LYPLA1: variants seen among roughly 807,000 people sequenced by gnomAD.
LYPLA1 encodes lysophospholipase 1.
In LYPLA1, 17 loss-of-function variants were observed where a neutral mutation model predicts 34.0. That is an observed-to-expected ratio of 0.50 (90% CI 0.34 to 0.75). The LOEUF is 0.75. Ranked by LOEUF, LYPLA1 falls within the 30% of genes least tolerant of loss-of-function variation. The probability of loss-of-function intolerance (pLI) is 0.01; values close to 1 mark genes in which losing one functional copy is unlikely to be tolerated. For missense variants in LYPLA1, 203 were observed against 288.8 expected, an observed-to-expected ratio of 0.70 and a Z score of 2.15; for synonymous variants, 98 against 100.8, an observed-to-expected ratio of 0.97 and a Z score of 0.17.
At chr8:54,055,325 A>C (rs890801458) in intron 5 of LYPLA1, among the ~76,000 whole-genome samples, 192 bp from the exon 6 acceptor site, 1 of 152,228 alleles carries the variant, frequency 6.6e-6, no homozygotes, top group African/African-American at 2.4e-5. Flanking sequence ...ACAACGTGAA[A>C]AGGAAATTTT....
At chr8:54,095,850 C>A (rs889825857) in intron 2 of LYPLA1, among the ~76,000 whole-genome samples, 2 of 151,866 alleles carry the variant, frequency 1.3e-5, no homozygotes, top group African/African-American at 4.8e-5. Context: ...TCCCAAAGCA[C>A]TGGTATTACC....
intron 2 of LYPLA1, among the ~76,000 whole-genome samples, chr8:54,070,028 T>G (rs150159718): frequency 6.6e-6 from 1 of 152,356 alleles, no homozygotes; most frequent in East Asian, 1.9e-4. Flanking sequence ...ATCAGAACCC[T>G]CATACACTGT....
intron 2 of LYPLA1, among the ~76,000 whole-genome samples, chr8:54,094,613 C>T (rs1434880158): frequency 6.6e-6 from 1 of 152,214 alleles, no homozygotes; most frequent in African/African-American, 2.4e-5. Flanking sequence ...ATTCTTAGCT[C>T]TGTCCACTGC....
chr8:54,101,761 G>A lies in LYPLA1; in HGVS notation c.63C>T (p.Thr21=), dbSNP rs769171580. 4.6e-6 allele frequency: 6 copies of A among 1,303,036 alleles called. No individual in the cohort carries two copies. In the East Asian group the frequency reaches 9.0e-5, roughly 20 times the overall value. 80.7% of individuals were successfully genotyped at this position (1,303,036 alleles called of 1,614,324 possible). The change falls in exon 1 of 9, where the codon ACC becomes ACT. Residue 21 remains threonine (T), a synonymous_variant. Transcript: ENST00000316963. ...CCACGCCTACGCCACTCACCGCAGC[G>A]GTGGCCTTCCGGGCGGCGGGCACGA... ...PAIVPAARKA[T]AAVIFLHGLG... is the part of the protein sequence containing the mutation.
intron 2 of LYPLA1, among the ~76,000 whole-genome samples, chr8:54,091,531 AAAAAG>A (rs1182472513): frequency 6.9e-4 from 98 of 142,502 alleles, no homozygotes; most frequent in African/African-American, 1.8e-3. Flanking sequence ...AAAGAAAAGA[AAAAAG>A]AAAAGAAAAG....
At chr8:54,077,996 G>A (rs949660012) in intron 2 of LYPLA1, among the ~76,000 whole-genome samples, 10 of 152,072 alleles carry the variant, frequency 6.6e-5, no homozygotes, top group Admixed American at 2.0e-4. Context: ...TGTCACCCAG[G>A]CTGGAGTGCA....
intron 3 of LYPLA1, among the ~76,000 whole-genome samples, chr8:54,064,035 T>C (rs1027942888): frequency 6.6e-6 from 1 of 152,162 alleles, no homozygotes; most frequent in African/African-American, 2.4e-5. Flanking sequence ...TCAAAATTTC[T>C]TTGAAAATAC....
At chr8:54,073,612 G>T in intron 2 of LYPLA1, 1 of 516,330 alleles carries the variant, frequency 1.9e-6, no homozygotes, top group Non-Finnish European at 3.5e-6. Flanking sequence ...TAGATATCAT[G>T]CAAATTTCAT....
intron 2 of LYPLA1, among the ~76,000 whole-genome samples, chr8:54,074,022 C>T (rs1227164239): frequency 1.3e-5 from 2 of 152,176 alleles, no homozygotes; most frequent in Non-Finnish European, 2.9e-5. Flanking sequence ...TGCTTGTAAT[C>T]CCAGCACTTT....
intron 7 of LYPLA1, 139 bp downstream of exon 7, chr8:54,052,516 T>C: frequency 1.7e-6 from 1 of 603,384 alleles, no homozygotes. Context: ...TACCTTCTGC[T>C]CAGTTTTGCT....
At chr8:54,099,569 C>A (rs939866126) in intron 2 of LYPLA1, among the ~76,000 whole-genome samples, 1 of 152,058 alleles carries the variant, frequency 6.6e-6, no homozygotes, top group South Asian at 2.1e-4. Context: ...CCCAGCTACT[C>A]GGGAGACCCA....
In LYPLA1 at chr8:54,081,534, G is replaced by A. The variant is rs538596151; in HGVS notation, c.102-15721C>T. On this transcript the variant is annotated intron_variant, in intron 2 of 8. Transcript: ENST00000316963. The stretch of plus-strand genomic sequence containing the variant: ...CTGTAATCTCTTCACTGCAACCTTC[G>A]CATCCCGGGTTTAAGCGATTCTCCT... 4.0e-5 allele frequency among the ~76,000 whole-genome samples: 6 copies of A among 151,502 alleles called. No individual in the cohort carries two copies. The East Asian group carries it at 7.8e-4, about 20-fold the overall frequency.
At chr8:54,044,118 C>T (rs1366718568), downstream of LYPLA1, among the ~76,000 whole-genome samples, 1 of 152,074 alleles carries the variant, frequency 6.6e-6, no homozygotes, top group African/African-American at 2.4e-5. Context: ...TCTCTTAACT[C>T]CTACCTTCAA....
At chr8:54,091,344 C>T (rs796270199) in intron 2 of LYPLA1, among the ~76,000 whole-genome samples, 47 of 152,028 alleles carry the variant, frequency 3.1e-4, no homozygotes, top group Middle Eastern at 3.4e-3. Flanking sequence ...AAAAATTAGC[C>T]GGGCACAGTG....
chr8:54,079,611 T>C (rs915714592), intron 2 of LYPLA1, among the ~76,000 whole-genome samples: 1 of 152,048 alleles, frequency 6.6e-6, no homozygotes, highest in African/African-American at 2.4e-5. Flanking sequence ...GAGACCAGCC[T>C]GGGCAATGTG....
chr8:54,092,095 G>A (rs573059445), intron 2 of LYPLA1, among the ~76,000 whole-genome samples: 3 of 151,654 alleles, frequency 2.0e-5, no homozygotes, highest in African/African-American at 7.3e-5. Context: ...AGGAGGAAAA[G>A]GAGAAGGAAG....
chr8:54,055,957 G>A (rs543271406), intron 5 of LYPLA1, among the ~76,000 whole-genome samples: 2 of 151,994 alleles, frequency 1.3e-5, no homozygotes, highest in Non-Finnish European at 2.9e-5. Context: ...AATTTATATG[G>A]AATCACGAAA....
At chr8:54,074,726 C>T (rs1275116274) in intron 2 of LYPLA1, among the ~76,000 whole-genome samples, 2 of 152,238 alleles carry the variant, frequency 1.3e-5, no homozygotes, top group African/African-American at 2.4e-5. Context: ...TCATCTTTTA[C>T]AGGAGGAGTT....
chr8:54,067,561 T>C (rs1440710296), intron 2 of LYPLA1, among the ~76,000 whole-genome samples: 2 of 152,212 alleles, frequency 1.3e-5, no homozygotes, highest in Non-Finnish European at 2.9e-5. Context: ...ACAGGGATCA[T>C]GTTATACATA....
Sources: allele counts gnomAD v4.1 joint callset (sites outside exome capture counted in the v4.1 genomes callset), GRCh38; gene constraint gnomAD v4.1.1; transcripts MANE v1.5; gene names NCBI Gene and HGNC (gene_info 2026-07-23, HGNC 2026-07-21).